Variants in RYR1 observed in about 807,000 individuals in gnomAD.
The protein encoded by RYR1 is ryanodine receptor 1.
RYR1 carries 342 observed loss-of-function variants against 583.5 expected under a neutral mutation model. That is an observed-to-expected ratio of 0.59 (90% CI 0.54 to 0.64). RYR1 has a LOEUF of 0.64. Ranked by LOEUF, RYR1 falls within the 30% of genes least tolerant of loss-of-function variation. RYR1 has a pLI of 0.00. For synonymous variants in RYR1, 2,791 were observed against 2,822.5 expected, an observed-to-expected ratio of 0.99 and a Z score of 0.35; for missense variants, 6,032 against 6,917.2, an observed-to-expected ratio of 0.87 and a Z score of 4.54.
chr19:38,579,856 T>G (rs1029053015), intron 99 of RYR1, 126 bp from the exon 100 acceptor site: 3 of 1,199,992 alleles, frequency 2.5e-6, no homozygotes, highest in Non-Finnish European at 3.7e-6. Context: ...ATCCTCCATG[T>G]ACTCCCCAAA....
chr19:38,528,810 C>G, intron 75 of RYR1, 115 bp downstream of exon 75: 1 of 1,430,902 alleles, frequency 7.0e-7, no homozygotes, highest in South Asian at 1.2e-5. Context: ...ATAGAAATGC[C>G]AGCTCCTGGC....
chr19:38,497,605 T>C (rs1969906295), intron 42 of RYR1, among the ~76,000 whole-genome samples: 1 of 152,242 alleles, frequency 6.6e-6, no homozygotes, highest in African/African-American at 2.4e-5. Flanking sequence ...TAACGTTAGC[T>C]GCTGTTATAT....
chr19:38,438,549 C>T (rs942351224), intron 1 of RYR1, among the ~76,000 whole-genome samples: 9 of 150,004 alleles, frequency 6.0e-5, no homozygotes, highest in African/African-American at 9.8e-5. Context: ...CCACCATGCT[C>T]GGCTAATTTT....
intron 71 of RYR1, among the ~76,000 whole-genome samples, 178 bp downstream of exon 71, chr19:38,525,680 T>A (rs1426918067): frequency 6.6e-6 from 1 of 151,862 alleles, no homozygotes; most frequent in African/African-American, 2.4e-5. Flanking sequence ...GCCCCTGGGA[T>A]GCCCTGAGGA....
At position 38,516,185 on chromosome 19, in the gene RYR1, T is replaced by G; in HGVS notation, c.9653T>G (p.Val3218Gly). The change falls in exon 65 of 106, where the codon GTG (valine) becomes GGG (glycine). Residue 3218 changes from valine (V) to glycine (G), a missense_variant. Around this residue, in one of 11 missense-constraint regions of RYR1, gnomAD observed 1,493 missense variants for 1,715.5 expected, o/e 0.87. Coordinates refer to ENST00000359596, the MANE Select transcript of RYR1 (RefSeq NM_000540.3). The part of the protein sequence containing the change: ...PQLNEYNACS[V>G]YTTKSPRERA... ...CTGAACGAGTACAACGCCTGCTCCG[T>G]GTACACCACCAAGTCTCCGCGGGAG... is the stretch of plus-strand genomic sequence containing the variant. The G allele has an allele frequency of 6.3e-7, 1 of 1,574,864 alleles. No homozygotes were observed. Among genetic ancestry groups the G allele is most frequent in the East Asian group, 2.3e-5 (1 of 42,962 alleles).
intron 83 of RYR1, chr19:38,537,236 C>T (rs977162980): frequency 9.0e-5 from 20 of 222,568 alleles, no homozygotes; most frequent in African/African-American, 3.9e-4. Flanking sequence ...GCGCCTGCCT[C>T]CTCTGCGCCT....
chr19:38,485,855 A>G lies in RYR1; in HGVS notation c.5200A>G (p.Ile1734Val). ...RSRRSMLSEY[I>V]VPLTPETRAI... ...CCGCCGCTCCATGCTCTCTGAATAC[A>G]TCGTGCCCCTCACGCCTGAGACCCG... Residue 1734 changes from isoleucine (I) to valine (V), a missense_variant, in exon 34 of 106, where the codon ATC becomes GTC. Physicochemically the swap from Ile to Val is conservative, Grantham distance 29 (BLOSUM62 3). Coordinates refer to ENST00000359596, the MANE Select transcript of RYR1 (RefSeq NM_000540.3). 1.9e-6 allele frequency: 3 copies of G among 1,613,668 alleles called. No homozygotes were observed. Among genetic ancestry groups the G allele is most frequent in the Non-Finnish European group, 2.5e-6 (3 of 1,179,970 alleles).
At chr19:38,486,294 C>A in intron 34 of RYR1, 92 bp downstream of exon 34, 1 of 1,463,448 alleles carries the variant, frequency 6.8e-7, no homozygotes, top group Non-Finnish European at 9.5e-7. Context: ...TCTATTTATG[C>A]ATCCAACCAC....
rs979090493 is a variant in RYR1, at chr19:38,585,938, G to C, written c.14804G>C (p.Gly4935Ala). ...ACTGACTTGTGTCCTGCCACCCCAG[G>C]TCTGATCATCGACGCTTTTGGTGAG... Reference protein sequence around the residue: ...VIVILLAIIQGLIIDAFGELR... With the variant: ...VIVILLAIIQALIIDAFGELR... Residue 4935 changes from glycine (G) to alanine (A), a missense_variant and splice_region_variant, in exon 103 of 106, where the codon GGT (glycine) becomes GCT (alanine). By Grantham distance (60) the Gly-to-Ala change is moderately conservative. Around this residue, in one of 11 missense-constraint regions of RYR1, gnomAD observed 189 missense variants for 350.3 expected, o/e 0.54. Coordinates refer to ENST00000359596, the MANE Select transcript of RYR1 (RefSeq NM_000540.3). The C allele has an allele frequency of 1.9e-6, 3 of 1,613,916 alleles. No homozygotes were observed. Among genetic ancestry groups the C allele is most frequent in the Non-Finnish European group, 2.5e-6 (3 of 1,180,014 alleles).
chr19:38,576,225 G>C (rs1221791946), intron 97 of RYR1, among the ~76,000 whole-genome samples: 1 of 152,152 alleles, frequency 6.6e-6, no homozygotes, highest in African/African-American at 2.4e-5. Flanking sequence ...AGGCTGAGAT[G>C]GATGTAACAC....
Position 38,502,581 on chromosome 19 carries a change from C to G in RYR1, c.7689C>G (p.Thr2563=), listed in dbSNP as rs781110591. 5.0e-5 allele frequency: 80 copies of G among 1,612,378 alleles called. No homozygotes were observed. The highest frequency in any genetic ancestry group is 6.3e-5 in the Non-Finnish European group (74 of 1,179,912). Reference sequence around the variant, plus strand: ...GCCTGGCCGTGCTGCCGCTCATCACCAAGTGTGCGCCGCTCTTTGCGGGCA... The same window carrying G: ...GCCTGGCCGTGCTGCCGCTCATCACGAAGTGTGCGCCGCTCTTTGCGGGCA... ...YLCLAVLPLI[T]KCAPLFAGTE... is the part of the protein sequence containing the mutation. Residue 2563 remains threonine, a synonymous_variant, in exon 48 of 106, where the codon ACC becomes ACG. Coordinates refer to ENST00000359596, the MANE Select transcript of RYR1 (RefSeq NM_000540.3).
rs373570763 is a variant in RYR1, at chr19:38,496,230, C to G, written c.6564C>G (p.Asn2188Lys). Residue 2188 changes from asparagine to lysine, a missense_variant, in exon 40 of 106, where the codon AAC becomes AAG. Physicochemically the swap from Asn to Lys is moderately conservative, Grantham distance 94. This residue lies in a region of RYR1 where 2,627 missense variants were observed against 2,961.3 expected (regional missense o/e 0.89). Coordinates refer to ENST00000359596, the MANE Select transcript of RYR1 (RefSeq NM_000540.3). This position sits in a 1 kb window ranked among gnomAD's most constrained non-coding sequence, Gnocchi z 4.8. The stretch of plus-strand genomic sequence containing the variant: ...CCGTGCACAGGAACATCATGAACAA[C>G]AAAGTCTTCTACCAACACCCGAACC... ...MIQSIGNIMN[N>K]KVFYQHPNLM... 6.2e-6 allele frequency: 10 copies of G among 1,613,640 alleles called. No individual in the cohort carries two copies. The highest frequency in any genetic ancestry group is 8.5e-6 in the Non-Finnish European group (10 of 1,180,022).
At position 38,517,706 on chromosome 19, in the gene RYR1, A is replaced by G; in HGVS notation, c.10018+15A>G. 6.2e-7 allele frequency: 1 copy of G among 1,612,952 alleles called. No homozygotes were observed. The highest frequency in any genetic ancestry group is 8.5e-7 in the Non-Finnish European group (1 of 1,178,942). On this transcript the variant is annotated intron_variant, in intron 66 of 105. Coordinates refer to ENST00000359596, the MANE Select transcript of RYR1 (RefSeq NM_000540.3). ...GCGGCTGGCTGGTGGGTCGGGGGGC[A>G]CTGGGCCTCTGAGGGGTGGGTCAGC... is the stretch of plus-strand genomic sequence containing the variant.
At chr19:38,541,135 G>A (rs781020456) in intron 84 of RYR1, among the ~76,000 whole-genome samples, 21 of 152,234 alleles carry the variant, frequency 1.4e-4, no homozygotes, top group Non-Finnish European at 2.6e-4. Context: ...TGCCTGGGGA[G>A]CTTTAAAAGA....
intron 27 of RYR1, among the ~76,000 whole-genome samples, chr19:38,472,899 G>A (rs1968501424): frequency 6.7e-6 from 1 of 149,364 alleles, no homozygotes; most frequent in Admixed American, 6.7e-5. Flanking sequence ...AGTTTTTGGG[G>A]CAAATTTTCA....
chr19:38,585,369 G>GATATATATATATATATATATATATATAT (rs3039200), intron 102 of RYR1, among the ~76,000 whole-genome samples: 3 of 141,062 alleles, frequency 2.1e-5, no homozygotes, highest in African/African-American at 7.8e-5. Flanking sequence ...AAAGGCCTGA[G>GATATATATATATATATATATATATATAT]ATATATATAT....
At position 38,561,617 on chromosome 19, in the gene RYR1, C is replaced by T. The variant is rs916498517; in HGVS notation, c.12624+163C>T. Among the ~76,000 whole-genome samples the T allele has an allele frequency of 6.6e-6, 1 of 152,216 alleles. No homozygotes were observed. The highest frequency in any genetic ancestry group is 2.4e-5 in the African/African-American group (1 of 41,444). On this transcript the variant is annotated intron_variant, in intron 90 of 105. Coordinates refer to ENST00000359596, the MANE Select transcript of RYR1 (RefSeq NM_000540.3). This position sits in a 1 kb window ranked among gnomAD's most constrained non-coding sequence, Gnocchi z 4.8. ...CTTTTGTACACATTTCGTCCAGCTG[C>T]GCCCTTGCACATCCCTGGCTCGCCC...
chr19:38,455,161 C>G, intron 13 of RYR1, 74 bp from the exon 14 acceptor site: 2 of 1,545,728 alleles, frequency 1.3e-6, no homozygotes, highest in South Asian at 1.1e-5. Flanking sequence ...AATATGAATT[C>G]GTGAATCCAA....
rs1024988669 is a variant in RYR1, at chr19:38,565,281, G to A, written c.12947G>A (p.Arg4316His). 5.0e-6 allele frequency: 5 copies of A among 1,001,732 alleles called. No individual in the cohort carries two copies. In the African/African-American group the frequency reaches 7.0e-5, roughly 14 times the overall value. 62.1% of individuals were successfully genotyped at this position (1,001,732 alleles called of 1,614,324 possible). A position where few individuals can be genotyped will look rare whatever the true frequency, so the allele number is the denominator to read the frequency against. Residue 4316 changes from arginine (R) to histidine (H), a missense_variant, in exon 91 of 106, where the codon CGC (arginine) becomes CAC (histidine). Arg to His is a conservative substitution (Grantham distance 29). Coordinates refer to ENST00000359596, the MANE Select transcript of RYR1 (RefSeq NM_000540.3). This position sits in a 1 kb window ranked among gnomAD's most constrained non-coding sequence, Gnocchi z 4.7. ...RGLSYRSLRR[R>H]VRRLRRLTAR... ...CTCAGCTACCGCAGCCTGCGGCGGC[G>A]CGTGCGGCGGCTGCGGCGGCTTACG...
Sources: allele counts gnomAD v4.1 joint callset (sites outside exome capture counted in the v4.1 genomes callset), GRCh38; gene constraint gnomAD v4.1.1; regional missense constraint gnomAD v4.1.1; non-coding constraint Gnocchi (gnomAD v3.1); transcripts MANE v1.5; gene names NCBI Gene and HGNC (gene_info 2026-07-23, HGNC 2026-07-21).